The following AMBRA1 variants were observed in gnomAD, a reference collection of about 807,000 sequenced individuals.
The protein encoded by AMBRA1 is activating molecule in BECN1-regulated autophagy protein 1.
AMBRA1 carries 47 observed loss-of-function variants against 125.4 expected under a neutral mutation model. That is an observed-to-expected ratio of 0.37 (90% confidence interval 0.30 to 0.48). The LOEUF (loss-of-function observed/expected upper bound fraction) is 0.48. Ranked by LOEUF, AMBRA1 falls within the 20% of genes least tolerant of loss-of-function variation. AMBRA1 has a pLI of 0.99. For missense variants in AMBRA1, 1,331 were observed against 1,693.4 expected, an observed-to-expected ratio of 0.79 and a Z score of 3.76; for synonymous variants, 626 against 655.5, an observed-to-expected ratio of 0.95 and a Z score of 0.69.
intron 9 of AMBRA1, among the ~76,000 whole-genome samples, chr11:46,498,896 C>A (rs1424974415): frequency 6.6e-6 from 1 of 152,210 alleles, no homozygotes; most frequent in Non-Finnish European, 1.5e-5. Flanking sequence ...CAACAGAAGG[C>A]CTAGCTGGTA....
chr11:46,565,188 G>A (rs1013996733), intron 1 of AMBRA1, among the ~76,000 whole-genome samples: 18 of 152,072 alleles, frequency 1.2e-4, no homozygotes, highest in African/African-American at 3.9e-4. Context: ...AGCCCAGGAG[G>A]CGAAGGTTGC....
intron 7 of AMBRA1, among the ~76,000 whole-genome samples, chr11:46,523,997 T>A (rs2135104108): frequency 6.6e-6 from 1 of 152,284 alleles, no homozygotes; most frequent in South Asian, 2.1e-4. Flanking sequence ...GCGTCCCACG[T>A]AGCTGGGATT....
At chr11:46,439,979 G>A (rs1408745934) in intron 12 of AMBRA1, among the ~76,000 whole-genome samples, 1 of 151,806 alleles carries the variant, frequency 6.6e-6, no homozygotes, top group Non-Finnish European at 1.5e-5. Context: ...CTATCAGCAA[G>A]AGTTTATGAA....
At chr11:46,408,882 TCCC>T (rs1224072334) in intron 16 of AMBRA1, among the ~76,000 whole-genome samples, 176 bp from the exon 17 acceptor site, 2 of 152,158 alleles carry the variant, frequency 1.3e-5, no homozygotes, top group African/African-American at 4.8e-5. Flanking sequence ...GTGTCCATTC[TCCC>T]CCAAGGTTAG....
At chr11:46,588,508 G>A (rs2044479553) in intron 1 of AMBRA1, among the ~76,000 whole-genome samples, 2 of 151,890 alleles carry the variant, frequency 1.3e-5, no homozygotes, top group South Asian at 4.2e-4. Context: ...GGGCACGGTG[G>A]CTCATACCTG....
chr11:46,568,292 T>C (rs986392478), intron 1 of AMBRA1, among the ~76,000 whole-genome samples: 13 of 151,700 alleles, frequency 8.6e-5, no homozygotes, highest in Non-Finnish European at 1.9e-4. Context: ...ACCCCGTCTC[T>C]ACTAAAAATA....
At chr11:46,495,085 C>T (rs965850007) in intron 9 of AMBRA1, 1 of 152,168 alleles carries the variant, frequency 6.6e-6, no homozygotes, top group Non-Finnish European at 1.5e-5. Context: ...TAGATCTTTC[C>T]ACTACATTTC....
At chr11:46,467,744 G>A (rs755102839) in intron 11 of AMBRA1, among the ~76,000 whole-genome samples, 4 of 152,020 alleles carry the variant, frequency 2.6e-5, no homozygotes, top group Non-Finnish European at 5.9e-5. Flanking sequence ...ATGTCAGCTA[G>A]GCTGGTCTCA....
At chr11:46,460,315 A>T (rs1174510251) in intron 11 of AMBRA1, among the ~76,000 whole-genome samples, 1 of 147,136 alleles carries the variant, frequency 6.8e-6, no homozygotes, top group Non-Finnish European at 1.5e-5. Flanking sequence ...CATTTATATA[A>T]ACACAACTCT....
chr11:46,545,305 C>CA (rs760258796), intron 5 of AMBRA1, among the ~76,000 whole-genome samples: 1 of 151,074 alleles, frequency 6.6e-6, no homozygotes, highest in Non-Finnish European at 1.5e-5. Context: ...ATTAAAAATA[C>CA]AAAAAAATGA....
At chr11:46,583,650 TCCAAAAAAA>T (rs1233451168) in intron 1 of AMBRA1, among the ~76,000 whole-genome samples, 89 of 18,074 alleles carry the variant, frequency 4.9e-3, no homozygotes, top group Non-Finnish European at 0.017. Flanking sequence ...CAAACAAATT[TCCAAAAAAA>T]AAAAAAAAAA....
chr11:46,432,012 G>T (rs1947476771), intron 14 of AMBRA1, among the ~76,000 whole-genome samples: 1 of 152,148 alleles, frequency 6.6e-6, no homozygotes, highest in Non-Finnish European at 1.5e-5. Flanking sequence ...ACCTAGAAAT[G>T]ATAAAGAGGA....
Position 46,419,733 on chromosome 11 carries a change from G to A in AMBRA1, c.2977-1681C>T, listed in dbSNP as rs919144746. ...AGAAAACAAATGAGCATGTGGTTTA[G>A]ACAGTAATATTCATAAAATGAACTT... On this transcript the variant is annotated intron_variant, in intron 14 of 17. Coordinates refer to ENST00000683756, the MANE Select transcript of AMBRA1 (RefSeq NM_001387011.1). Among the ~76,000 whole-genome samples the A allele has an allele frequency of 7.9e-5, 12 of 152,236 alleles. No individual in the cohort carries two copies. In the East Asian group the frequency reaches 1.5e-3, roughly 20 times the overall value.
chr11:46,401,178 G>A (rs543586146), intron 17 of AMBRA1, among the ~76,000 whole-genome samples: 3 of 152,172 alleles, frequency 2.0e-5, no homozygotes, highest in Admixed American at 6.5e-5. Flanking sequence ...GGTCTGGGGC[G>A]TGCTGTGGCT....
chr11:46,531,467 T>A (rs1045273120), intron 7 of AMBRA1, among the ~76,000 whole-genome samples: 2 of 151,802 alleles, frequency 1.3e-5, no homozygotes, highest in African/African-American at 4.8e-5. Context: ...CCCAGCACTT[T>A]GGGAGGCCAA....
intron 9 of AMBRA1, among the ~76,000 whole-genome samples, chr11:46,499,146 AATTACC>A (rs563031085): frequency 5.5e-4 from 83 of 152,290 alleles, no homozygotes; most frequent in Admixed American, 4.1e-3. Flanking sequence ...TACAAGAGAT[AATTACC>A]ATTTACAAAT....
At chr11:46,438,802 C>T (rs1005267176) in intron 12 of AMBRA1, among the ~76,000 whole-genome samples, 53 of 152,280 alleles carry the variant, frequency 3.5e-4, no homozygotes, top group African/African-American at 1.3e-3. Context: ...ATCTAATGTG[C>T]CACTTTTTTC....
chr11:46,463,810 C>T (rs1949206286), intron 11 of AMBRA1, among the ~76,000 whole-genome samples: 3 of 152,096 alleles, frequency 2.0e-5, no homozygotes, highest in Admixed American at 2.0e-4. Flanking sequence ...AAAACAAAGC[C>T]GGGGTGGGCG....
chr11:46,457,070 A>C (rs888187093), intron 11 of AMBRA1, among the ~76,000 whole-genome samples: 2 of 152,242 alleles, frequency 1.3e-5, no homozygotes, highest in African/African-American at 4.8e-5. Context: ...TAAAGGGTGA[A>C]AAGCTCCTGT....
Sources: gnomAD v4.1 joint callset for allele counts (sites outside exome capture counted in the v4.1 genomes callset) on GRCh38, gnomAD v4.1.1 for gene constraint, MANE v1.5 for transcripts, NCBI Gene and HGNC (gene_info 2026-07-23, HGNC 2026-07-21) for gene names.